Variants in CNGA1 observed in about 807,000 individuals in gnomAD.
The protein encoded by CNGA1 is cyclic nucleotide-gated channel alpha-1.
Under a neutral mutation model 69.7 loss-of-function variants are expected in CNGA1, and 53 were observed. That is an observed-to-expected ratio of 0.76 (90% CI 0.61 to 0.96). CNGA1 has a LOEUF of 0.96. Among genes scored for constraint, CNGA1 ranks in the 40% least tolerant of loss-of-function variants. The pLI is 0.00. For synonymous variants in CNGA1, 249 were observed against 283.5 expected (o/e 0.88, Z 1.22); for missense variants, 739 against 811.2 (o/e 0.91, Z 1.08).
chr4:47,973,703 T>C lies in CNGA1; in HGVS notation c.-15+7690A>G, dbSNP rs114421441. Among the ~76,000 whole-genome samples, 728 of 145,196 alleles carry C rather than the reference T, an allele frequency of 5.0e-3. 5 individuals carry two copies. The highest frequency in any genetic ancestry group is 0.016 in the African/African-American group (653 of 39,866). On this transcript the variant is annotated intron_variant, in intron 3 of 10. Transcript: ENST00000514170. ...ACCAACCAGTTAACTTCGGGATGTG[T>C]AAAAAAAAAAAGTGCAGAAGAGTAG...
At chr4:47,990,715 C>T (rs543608279) in intron 2 of CNGA1, among the ~76,000 whole-genome samples, 77 of 152,192 alleles carry the variant, frequency 5.1e-4, no homozygotes, top group African/African-American at 1.5e-3. Flanking sequence ...ATGGCACTCC[C>T]GGAGGCCCAG....
intron 1 of CNGA1, among the ~76,000 whole-genome samples, chr4:48,011,477 T>C (rs867211074): frequency 3.9e-5 from 6 of 152,070 alleles, no homozygotes; most frequent in Admixed American, 6.6e-5. Flanking sequence ...ACCATTGAGT[T>C]CCTTTTTTAA....
chr4:47,992,382 T>C (rs1742305923), intron 2 of CNGA1, among the ~76,000 whole-genome samples: 1 of 152,146 alleles, frequency 6.6e-6, no homozygotes, highest in African/African-American at 2.4e-5. Flanking sequence ...TTCTTTCAAC[T>C]CTTTGGTTAG....
At chr4:47,951,311 A>G in intron 5 of CNGA1, 42 bp downstream of exon 5, 1 of 1,291,350 alleles carries the variant, frequency 7.7e-7, no homozygotes, top group Non-Finnish European at 1.1e-6. Flanking sequence ...TTAAGCATAA[A>G]TGGTTAAAAA....
intron 3 of CNGA1, among the ~76,000 whole-genome samples, chr4:47,973,574 T>G (rs1266526182): frequency 6.6e-6 from 1 of 152,164 alleles, no homozygotes. Context: ...ATTTACATAT[T>G]ATTTGCTATA....
intron 3 of CNGA1, among the ~76,000 whole-genome samples, chr4:47,955,173 C>CTTTTTTTTTTTTT (rs377338639): frequency 2.1e-4 from 21 of 98,196 alleles, no homozygotes; most frequent in Admixed American, 3.5e-4. Flanking sequence ...TTTTTCTTTT[C>CTTTTTTTTTTTTT]TTTTTTTTTT....
At chr4:48,012,581 T>G (rs910338928) in intron 1 of CNGA1, among the ~76,000 whole-genome samples, 1 of 128,284 alleles carries the variant, frequency 7.8e-6, no homozygotes, top group African/African-American at 2.7e-5. Flanking sequence ...TTTTTTTTTT[T>G]TTTTTTTTTT....
rs192954500 is a variant in CNGA1, at chr4:47,938,007, C to T, written c.653-178G>A. On this transcript the variant is annotated intron_variant, in intron 10 of 10. Coordinates refer to ENST00000514170, the MANE Select transcript of CNGA1 (RefSeq NM_001379270.1). ...TAAACCTATGGCTGTAGAAAATATT[C>T]TGCTGTAGAAATAAAAGGTAAAATT... Among the ~76,000 whole-genome samples the T allele has an allele frequency of 4.6e-5, 7 of 151,692 alleles. No homozygotes were observed. In the East Asian group the frequency reaches 7.8e-4, roughly 17 times the overall value.
At chr4:47,971,178 G>C in intron 3 of CNGA1, 1 of 398,976 alleles carries the variant, frequency 2.5e-6, no homozygotes, top group Non-Finnish European at 5.0e-6. Flanking sequence ...TTGTGTGTGT[G>C]TGTGTGTGTG....
At chr4:47,996,970 G>C (rs919426250) in intron 2 of CNGA1, among the ~76,000 whole-genome samples, 1 of 152,130 alleles carries the variant, frequency 6.6e-6, no homozygotes, top group African/African-American at 2.4e-5. Context: ...TGAGGCAGGA[G>C]AATCACTTGA....
At chr4:47,948,219 T>C (rs1312245829) in intron 6 of CNGA1, among the ~76,000 whole-genome samples, 1 of 151,902 alleles carries the variant, frequency 6.6e-6, no homozygotes. Context: ...GAACCTGAGT[T>C]TGGGATCCAG....
At chr4:48,009,778 T>C (rs1194728529) in intron 2 of CNGA1, among the ~76,000 whole-genome samples, 1 of 152,178 alleles carries the variant, frequency 6.6e-6, no homozygotes, top group Non-Finnish European at 1.5e-5. Flanking sequence ...CACTCCAGCC[T>C]GGGCGACAGG....
At chr4:47,970,020 G>T (rs1403007154) in intron 3 of CNGA1, among the ~76,000 whole-genome samples, 1 of 152,034 alleles carries the variant, frequency 6.6e-6, no homozygotes, top group Non-Finnish European at 1.5e-5. Flanking sequence ...TCTCAGTCAG[G>T]GTCCCAACCA....
Position 47,942,012 on chromosome 4 carries a change from CAA to C in CNGA1, c.545+27_545+28del, listed in dbSNP as rs10709670. 89,583 of 1,150,820 alleles carry C rather than the reference CAA, an allele frequency of 0.078. 133 individuals are homozygous for C. Among genetic ancestry groups the C allele is most frequent in the Non-Finnish European group, 0.085 (69,591 of 820,480 alleles). The allele number at this position is 1,150,820 out of a possible 1,614,324, so 71.3% of individuals were successfully genotyped here. On this transcript the variant is annotated intron_variant, in intron 9 of 10. Transcript: ENST00000514170. ...GAAACTAGAAATGGGGTGAGATCCA[CAA>C]AAAAAAAAAAAAAAAATTATAGACA... is the stretch of plus-strand genomic sequence containing the variant.
At chr4:47,941,729 G>A (rs1002179891) in intron 9 of CNGA1, among the ~76,000 whole-genome samples, 4 of 151,894 alleles carry the variant, frequency 2.6e-5, no homozygotes, top group Admixed American at 1.3e-4. Flanking sequence ...CCTGTGACAC[G>A]AGTTTACCTA....
At chr4:48,016,461 T>C (rs1470432883) in intron 1 of CNGA1, 22 bp downstream of exon 1, 1 of 292,774 alleles carries the variant, frequency 3.4e-6, no homozygotes, top group African/African-American at 2.3e-5. Flanking sequence ...CAGCCTCCAC[T>C]CCACTCAATT....
intron 3 of CNGA1, among the ~76,000 whole-genome samples, chr4:47,958,179 G>A (rs185003634): frequency 6.6e-6 from 1 of 152,116 alleles, no homozygotes; most frequent in Admixed American, 6.5e-5. Flanking sequence ...GAGCCACCGT[G>A]CCTGGCCATG....
At chr4:47,983,481 T>C (rs1042969190) in intron 2 of CNGA1, among the ~76,000 whole-genome samples, 2 of 151,878 alleles carry the variant, frequency 1.3e-5, no homozygotes, top group Non-Finnish European at 1.5e-5. Context: ...TCCCAGCTAC[T>C]CAGGAGGCTG....
intron 1 of CNGA1, among the ~76,000 whole-genome samples, chr4:48,014,804 C>A (rs1372997921): frequency 6.6e-6 from 1 of 152,146 alleles, no homozygotes; most frequent in South Asian, 2.1e-4. Flanking sequence ...CCATAGATCA[C>A]GTTTACCATC....
Sources: allele counts gnomAD v4.1 joint callset (sites outside exome capture counted in the v4.1 genomes callset), GRCh38; gene constraint gnomAD v4.1.1; transcripts MANE v1.5; gene names NCBI Gene and HGNC (gene_info 2026-07-23, HGNC 2026-07-21).